Variants in GFM2 observed in about 807,000 individuals in gnomAD.
GFM2 encodes ribosome-releasing factor 2, mitochondrial.
In GFM2, 72 loss-of-function variants were observed where a neutral mutation model predicts 95.4. The ratio of observed to expected loss-of-function variants is 0.76; its 90% confidence interval spans 0.62 to 0.92. The LOEUF (loss-of-function observed/expected upper bound fraction) is 0.92, where lower values mean the gene tolerates loss of function less well. Among genes scored for constraint, GFM2 ranks in the 40% least tolerant of loss-of-function variants. The probability of loss-of-function intolerance (pLI) is 0.00; values close to 1 mark genes in which losing one functional copy is unlikely to be tolerated. For synonymous variants in GFM2, 276 were observed against 317.5 expected, an observed-to-expected ratio of 0.87 and a Z score of 1.39; for missense variants, 825 against 924.1, an observed-to-expected ratio of 0.89 and a Z score of 1.39.
In GFM2 at chr5:74,733,335, GAAAAA is replaced by G. The variant is rs59571482; in HGVS notation, c.1511-242_1511-238del. ...GCGAAACCCCGTCTTTACAAAAAAA[GAAAAA>G]AAAAAAAAGACAATTTCAAACAGCC... On this transcript the variant is annotated intron_variant, in intron 15 of 20. Transcript: ENST00000296805. The G allele has an allele frequency of 4.7e-4, 91 of 195,558 alleles. 1 individual carries two copies. Among genetic ancestry groups the G allele is most frequent in the African/African-American group, 2.4e-3 (85 of 35,522 alleles). The allele number at this position is 195,558 out of a possible 1,614,324, so 12.1% of individuals were successfully genotyped here.
Position 74,730,385 on chromosome 5 carries a change from C to T in GFM2, c.1601G>A (p.Gly534Asp). Residue 534 changes from glycine (G) to aspartate (D), a missense_variant, in exon 17 of 21, where the codon GGT becomes GAT. Physicochemically the swap from Gly to Asp is moderately conservative, Grantham distance 94. Transcript: ENST00000296805. ...DPDSGQTVLC[G>D]MGELHIEIIH... ...AATCTCTATATGTAACTCCCCCATA[C>T]CACACAGAACAGTCTGGTTACCAGA... 1 of 1,596,886 alleles carries T rather than the reference C, an allele frequency of 6.3e-7. No homozygotes were observed. Among genetic ancestry groups the T allele is most frequent in the South Asian group, 1.1e-5 (1 of 87,604 alleles).
chr5:74,732,598 T>TA (rs1742628672), intron 16 of GFM2, among the ~76,000 whole-genome samples: 1 of 152,154 alleles, frequency 6.6e-6, no homozygotes, highest in African/African-American at 2.4e-5. Flanking sequence ...CTCACAGTGT[T>TA]ACATTGTAAT....
chr5:74,747,433 C>A (rs947547554), intron 8 of GFM2, among the ~76,000 whole-genome samples: 2 of 152,158 alleles, frequency 1.3e-5, no homozygotes, highest in Admixed American at 6.6e-5. Context: ...CCACTTTGAT[C>A]TCAGAAATAT....
rs184732617 is a variant in GFM2 at position 74,741,525 on chromosome 5, T to C, written c.930+4A>G. ...TGTGAAAGCCATTGAATAATAAAAT[T>C]TACCTTTTCAGCTGGTAACAAATCA... On this transcript the variant is annotated splice_donor_region_variant and intron_variant, in intron 11 of 20. Coordinates refer to ENST00000296805, the MANE Select transcript of GFM2 (RefSeq NM_032380.5). The C allele has an allele frequency of 2.6e-4, 372 of 1,425,500 alleles. 1 individual carries two copies. Among genetic ancestry groups the C allele is most frequent in the Admixed American group, 3.6e-4 (20 of 54,946 alleles). 88.3% of individuals were successfully genotyped at this position (1,425,500 alleles called of 1,614,324 possible).
At chr5:74,743,069 T>A (rs573960650) in intron 10 of GFM2, among the ~76,000 whole-genome samples, 1 of 152,310 alleles carries the variant, frequency 6.6e-6, no homozygotes, top group East Asian at 1.9e-4. Flanking sequence ...CCATATACAT[T>A]AATTAAACAA....
chr5:74,733,179 T>A, intron 15 of GFM2, 81 bp from the exon 16 acceptor site: 2 of 1,024,268 alleles, frequency 2.0e-6, no homozygotes, highest in Non-Finnish European at 3.0e-6. Flanking sequence ...AACAGATGGA[T>A]AAGCAAACAA....
At chr5:74,745,544 G>T in intron 10 of GFM2, 134 bp downstream of exon 10, 1 of 610,604 alleles carries the variant, frequency 1.6e-6, no homozygotes. Context: ...TTATATCAGG[G>T]ACTTGAGCAT....
At chr5:74,749,983 G>A (rs1743612737) in intron 7 of GFM2, among the ~76,000 whole-genome samples, 1 of 152,120 alleles carries the variant, frequency 6.6e-6, no homozygotes, top group Non-Finnish European at 1.5e-5. Flanking sequence ...GTGAGGCGTG[G>A]AGGGTGAATA....
chr5:74,753,457 C>G (rs1176741702), intron 5 of GFM2, among the ~76,000 whole-genome samples: 4 of 152,022 alleles, frequency 2.6e-5, no homozygotes, highest in Non-Finnish European at 5.9e-5. Context: ...ATTAGTCAAG[C>G]ATGATGGTGT....
At chr5:74,762,096 A>T (rs1438718609) in intron 2 of GFM2, among the ~76,000 whole-genome samples, 1 of 152,200 alleles carries the variant, frequency 6.6e-6, no homozygotes, top group Non-Finnish European at 1.5e-5. Flanking sequence ...TCACAAATGG[A>T]ATACAGAAAT....
intron 17 of GFM2, 102 bp from the exon 18 acceptor site, chr5:74,726,228 A>G: frequency 8.1e-6 from 6 of 737,408 alleles, no homozygotes; most frequent in Admixed American, 7.8e-5. Flanking sequence ...GGTCTCATAC[A>G]AGATAAAGTG....
At position 74,750,433 on chromosome 5, in the gene GFM2, T is replaced by C. The variant is rs1367909218; in HGVS notation, c.519+146A>G. The C allele has an allele frequency of 1.7e-5, 9 of 541,240 alleles. No individual in the cohort carries two copies. In the Admixed American group the frequency reaches 3.0e-4, roughly 18 times the overall value. 33.5% of individuals were successfully genotyped at this position (541,240 alleles called of 1,614,324 possible). A position where few individuals can be genotyped will look rare whatever the true frequency, so the allele number is the denominator to read the frequency against. ...TCTGAGATTACATGTAGATTACATC[T>C]CAATATAAATTCTGATTTCCTTTTA... is the stretch of plus-strand genomic sequence containing the variant. On this transcript the variant is annotated intron_variant, in intron 7 of 20. Coordinates refer to ENST00000296805, the MANE Select transcript of GFM2 (RefSeq NM_032380.5).
In GFM2 at chr5:74,741,593, T is replaced by C; in HGVS notation, c.866A>G (p.Asp289Gly). 6.3e-7 allele frequency: 1 copy of C among 1,581,748 alleles called. No homozygotes were observed. Among genetic ancestry groups the C allele is most frequent in the Non-Finnish European group, 8.7e-7 (1 of 1,154,790 alleles). Residue 289 changes from aspartate (D) to glycine (G), a missense_variant, in exon 11 of 21, where the codon GAT (aspartate) becomes GGT (glycine). Asp to Gly is a moderately conservative substitution (Grantham distance 94). Transcript: ENST00000296805. ...TTCTAAAACCAAGTCAGCAAATTCA[T>C]CATCCAAATCTGCAACCTATAAAGA... ...ALIEQVADLD[D>G]EFADLVLEEF...
At chr5:74,724,743 AATTGGGTCTCAAACACAGTCCAAGT>A (rs1179434144) in intron 19 of GFM2, among the ~76,000 whole-genome samples, 1 of 152,226 alleles carries the variant, frequency 6.6e-6, no homozygotes, top group Non-Finnish European at 1.5e-5. Flanking sequence ...AACTACAGAA[AATTGGGTCTCAAACACAGTCCAAGT>A]ATTAAAAAAT....
In GFM2 at chr5:74,745,735, C is replaced by A. The variant is rs1307475396; in HGVS notation, c.792G>T (p.Met264Ile). ...TTTCCTTCAGCAATTCAGGATCATTCATTTCCAAGAGGGGCTTTCTCTCAA... is the reference window on the plus strand; with the variant it reads ...TTTCCTTCAGCAATTCAGGATCATTAATTTCCAAGAGGGGCTTTCTCTCAA... ...KDFERKPLLE[M>I]NDPELLKETT... Residue 264 changes from methionine to isoleucine, a missense_variant, in exon 10 of 21, where the codon ATG becomes ATT. Transcript: ENST00000296805. 6.2e-7 allele frequency: 1 copy of A among 1,613,818 alleles called. No individual in the cohort carries two copies. Among genetic ancestry groups the A allele is most frequent in the African/African-American group, 1.3e-5 (1 of 74,920 alleles).
At chr5:74,735,718 C>A (rs1264488471) in intron 15 of GFM2, among the ~76,000 whole-genome samples, 1 of 152,070 alleles carries the variant, frequency 6.6e-6, no homozygotes, top group Non-Finnish European at 1.5e-5. Flanking sequence ...CAGGAAATCA[C>A]AATTATTTTA....
rs532616672 is a variant in GFM2 at position 74,738,778 on chromosome 5, G to A, written c.1080-136C>T. On this transcript the variant is annotated intron_variant, in intron 12 of 20. Coordinates refer to ENST00000296805, the MANE Select transcript of GFM2 (RefSeq NM_032380.5). ...AGCCACTAAATAATGTCTTTGTTAC[G>A]TAACTCTCTTCTTCCATTGACTAAA... is the stretch of plus-strand genomic sequence containing the variant. 1.0e-4 allele frequency: 74 copies of A among 709,364 alleles called. No homozygotes were observed. In the African/African-American group the frequency reaches 1.2e-3, roughly 11 times the overall value. The allele number at this position is 709,364 out of a possible 1,614,324, so 43.9% of individuals were successfully genotyped here.
At chr5:74,732,927 G>GACACAC (rs67360841) in intron 16 of GFM2, 95 bp downstream of exon 16, 5,502 of 403,116 alleles carry the variant, frequency 0.014, 41 homozygotes, top group Admixed American at 0.021. Context: ...TAATGTTTTA[G>GACACAC]ACACACACAC....
Position 74,740,130 on chromosome 5 carries a change from G to C in GFM2, c.938C>G (p.Thr313Ser). 6.3e-7 allele frequency: 1 copy of C among 1,597,280 alleles called. No individual in the cohort carries two copies. The highest frequency in any genetic ancestry group is 8.5e-7 in the Non-Finnish European group (1 of 1,174,368). ...FDLLPAEKLQ[T>S]AIHRVTLAQT... is the part of the protein sequence containing the mutation. ...AGCTAGTGTCACTCTATGTATTGCAGTCTGTAGCTACAGAGCAGAGATACA... is the reference window on the plus strand; with the variant it reads ...AGCTAGTGTCACTCTATGTATTGCACTCTGTAGCTACAGAGCAGAGATACA... The change falls in exon 12 of 21, where the codon ACT (threonine) becomes AGT (serine). Residue 313 changes from threonine (T) to serine (S), a missense_variant. Thr to Ser is a moderately conservative substitution (Grantham distance 58). Transcript: ENST00000296805.
Sources: gnomAD v4.1 joint callset for allele counts (sites outside exome capture counted in the v4.1 genomes callset) on GRCh38, gnomAD v4.1.1 for gene constraint, MANE v1.5 for transcripts, NCBI Gene and HGNC (gene_info 2026-07-23, HGNC 2026-07-21) for gene names.